TCF12: variants seen among roughly 807,000 people sequenced by gnomAD.
The protein encoded by TCF12 is transcription factor 12.
In TCF12, 45 loss-of-function variants were observed where a neutral mutation model predicts 86.0. The observed-to-expected ratio is 0.52, with a 90% CI of 0.41 to 0.67. The LOEUF (loss-of-function observed/expected upper bound fraction) is 0.67. Among genes scored for constraint, TCF12 ranks in the 30% least tolerant of loss-of-function variants. TCF12 has a pLI of 0.00. For synonymous variants in TCF12, 330 were observed against 299.6 expected (o/e 1.10, Z -1.05); for missense variants, 881 against 859.9 (o/e 1.02, Z -0.31).
chr15:57,015,366 C>T (rs1181595361), intron 3 of TCF12, among the ~76,000 whole-genome samples: 2 of 152,204 alleles, frequency 1.3e-5, no homozygotes, highest in African/African-American at 4.8e-5. Context: ...CCAGATGGCT[C>T]AGCCCATGTT....
chr15:57,148,100 T>C (rs1234808859), intron 5 of TCF12, among the ~76,000 whole-genome samples: 2 of 151,984 alleles, frequency 1.3e-5, no homozygotes, highest in Admixed American at 6.6e-5. Flanking sequence ...CCCAGGCTGG[T>C]GTCAAACTCC....
chr15:57,173,882 A>G (rs895321955), intron 6 of TCF12, among the ~76,000 whole-genome samples: 6 of 151,870 alleles, frequency 4.0e-5, no homozygotes, highest in African/African-American at 1.2e-4. Flanking sequence ...TAATTTTTGT[A>G]TTTTTAGTAG....
At chr15:57,091,182 T>TA (rs1260305945) in intron 4 of TCF12, among the ~76,000 whole-genome samples, 1 of 152,236 alleles carries the variant, frequency 6.6e-6, no homozygotes, top group Non-Finnish European at 1.5e-5. Flanking sequence ...ATTGTTCTAC[T>TA]ACAGTAGTAT....
intron 18 of TCF12, among the ~76,000 whole-genome samples, chr15:57,269,690 G>A (rs1157502700): frequency 6.6e-6 from 1 of 152,072 alleles, no homozygotes; most frequent in East Asian, 1.9e-4. Flanking sequence ...GCAGTGGCTG[G>A]TACCGGTTGT....
At chr15:57,035,630 G>A (rs1316736460) in intron 3 of TCF12, among the ~76,000 whole-genome samples, 1 of 152,110 alleles carries the variant, frequency 6.6e-6, no homozygotes, top group Non-Finnish European at 1.5e-5. Context: ...GTCACAAGGT[G>A]CTTTTAATGG....
intron 3 of TCF12, among the ~76,000 whole-genome samples, chr15:56,972,336 A>G (rs963429710): frequency 1.3e-5 from 2 of 152,226 alleles, no homozygotes; most frequent in Non-Finnish European, 2.9e-5. Flanking sequence ...AATAATATGT[A>G]TTATTTGTAA....
chr15:57,065,131 A>C lies in TCF12; in HGVS notation c.222+1308A>C, dbSNP rs115445528. On this transcript the variant is annotated intron_variant, in intron 4 of 20. Coordinates refer to ENST00000333725, the MANE Select transcript of TCF12 (RefSeq NM_207037.2). ...GGAAAGAACTGGGATAGTCGTATGG[A>C]ATCCAAAAAGATATATAAAGAGGCT... Among the ~76,000 whole-genome samples the C allele has an allele frequency of 3.3e-3, 501 of 152,308 alleles. 2 individuals are homozygous for C. Among genetic ancestry groups the C allele is most frequent in the African/African-American group, 0.012 (481 of 41,564 alleles).
chr15:56,942,594 G>A (rs375085432), intron 3 of TCF12, among the ~76,000 whole-genome samples: 1 of 152,306 alleles, frequency 6.6e-6, no homozygotes, highest in East Asian at 1.9e-4. Flanking sequence ...CTGTAGGAAA[G>A]CATTTGCTTA....
chr15:57,288,275 G>C lies in TCF12; in HGVS notation c.*2130G>C, dbSNP rs1410070775. 2 of 152,586 alleles carry C rather than the reference G, an allele frequency of 1.3e-5. No individual in the cohort carries two copies. The highest frequency in any genetic ancestry group is 2.9e-5 in the Non-Finnish European group (2 of 68,028). The allele number at this position is 152,586 out of a possible 1,614,324, so 9.5% of individuals were successfully genotyped here. On this transcript the variant is annotated 3_prime_UTR_variant, in exon 21 of 21. Coordinates refer to ENST00000333725, the MANE Select transcript of TCF12 (RefSeq NM_207037.2). ...TAGTAGGATTCTAGCATACCGTGTA[G>C]TACCTATGGAGTATTGTAAGAGCTA...
chr15:57,168,421 T>G (rs2055062561), intron 6 of TCF12, among the ~76,000 whole-genome samples: 1 of 152,332 alleles, frequency 6.6e-6, no homozygotes, highest in South Asian at 2.1e-4. Context: ...TAACAGTGCT[T>G]TAAGGCCAAC....
chr15:57,191,338 C>T (rs1393435008), intron 6 of TCF12, among the ~76,000 whole-genome samples: 1 of 152,106 alleles, frequency 6.6e-6, no homozygotes, highest in African/African-American at 2.4e-5. Context: ...GTGGCACATG[C>T]CTGTAGTCCT....
intron 8 of TCF12, chr15:57,214,386 T>C (rs1421592764): frequency 6.6e-6 from 1 of 152,224 alleles, no homozygotes; most frequent in Non-Finnish European, 1.5e-5. Flanking sequence ...ATTTGCTTTC[T>C]TCTCCAGGAG....
intron 3 of TCF12, among the ~76,000 whole-genome samples, chr15:57,024,403 G>A (rs367672631): frequency 2.0e-5 from 3 of 152,022 alleles, no homozygotes; most frequent in Non-Finnish European, 1.5e-5. Flanking sequence ...CAGTAGAGAT[G>A]TGGTTTCACC....
At position 56,998,288 on chromosome 15, in the gene TCF12, C is replaced by T. The variant is rs2063818582; in HGVS notation, c.149-65462C>T. The stretch of plus-strand genomic sequence containing the variant: ...CCTGGACAACATGGTGAAACCCCCT[C>T]TTTACTAAAAATACAAAAATTAGTT... On this transcript the variant is annotated intron_variant, in intron 3 of 20. Transcript: ENST00000333725. Among the ~76,000 whole-genome samples, 3 of 152,102 alleles carry T rather than the reference C, an allele frequency of 2.0e-5. No individual in the cohort carries two copies. In the South Asian group the frequency reaches 6.2e-4, roughly 32 times the overall value.
intron 3 of TCF12, among the ~76,000 whole-genome samples, chr15:57,060,488 A>T (rs2068379514): frequency 6.6e-6 from 1 of 152,224 alleles, no homozygotes; most frequent in South Asian, 2.1e-4. Context: ...GTTGAATAGA[A>T]ATGGAAAAAA....
intron 8 of TCF12, among the ~76,000 whole-genome samples, chr15:57,218,851 C>G (rs923357528): frequency 6.6e-6 from 1 of 151,938 alleles, no homozygotes; most frequent in Non-Finnish European, 1.5e-5. Flanking sequence ...TTCAGTTTTC[C>G]TCAACATAAT....
chr15:57,159,071 A>G (rs2054316116), intron 5 of TCF12, among the ~76,000 whole-genome samples: 1 of 152,240 alleles, frequency 6.6e-6, no homozygotes, highest in Non-Finnish European at 1.5e-5. Flanking sequence ...CTACCAAAAT[A>G]AAGTCTATAA....
chr15:57,266,363 C>G (rs1457963634), intron 18 of TCF12, among the ~76,000 whole-genome samples: 2 of 152,198 alleles, frequency 1.3e-5, no homozygotes, highest in South Asian at 4.2e-4. Flanking sequence ...CAGGCGTGAG[C>G]CACTGCGCCT....
intron 8 of TCF12, among the ~76,000 whole-genome samples, chr15:57,220,395 T>TA (rs1486424114): frequency 2.0e-5 from 3 of 152,306 alleles, no homozygotes; most frequent in Non-Finnish European, 4.4e-5. Flanking sequence ...ATTTCCTGTT[T>TA]AGAGTTTCAG....
Sources: allele counts gnomAD v4.1 joint callset (sites outside exome capture counted in the v4.1 genomes callset), GRCh38; gene constraint gnomAD v4.1.1; transcripts MANE v1.5; gene names NCBI Gene and HGNC (gene_info 2026-07-23, HGNC 2026-07-21).